Variants in DPP10 observed in about 807,000 individuals in gnomAD.
The protein encoded by DPP10 is inactive dipeptidyl peptidase 10.
In DPP10, 33 loss-of-function variants were observed where a neutral mutation model predicts 120.9. The ratio of observed to expected loss-of-function variants is 0.27; its 90% CI spans 0.21 to 0.37. The LOEUF (loss-of-function observed/expected upper bound fraction) is 0.37. Among genes scored for constraint, DPP10 ranks in the 10% least tolerant of loss-of-function variants. The pLI, the probability that DPP10 is intolerant of heterozygous loss-of-function variation, is 1.00. For missense variants in DPP10, 816 were observed against 942.8 expected (o/e 0.87, Z 1.76); for synonymous variants, 337 against 326.1 (o/e 1.03, Z -0.36).
chr2:115,302,771 A>G (rs1182803722), intron 1 of DPP10, among the ~76,000 whole-genome samples: 2 of 152,110 alleles, frequency 1.3e-5, no homozygotes, highest in Non-Finnish European at 2.9e-5. Flanking sequence ...GGTCAACAGC[A>G]TAAACCTATA....
chr2:115,342,813 G>A (rs2063515501), intron 2 of DPP10, among the ~76,000 whole-genome samples: 1 of 151,708 alleles, frequency 6.6e-6, no homozygotes, highest in African/African-American at 2.4e-5. Context: ...ATTTTTTCTT[G>A]GCAGTTATTT....
At chr2:114,952,446 A>G (rs1697864809) in intron 1 of DPP10, among the ~76,000 whole-genome samples, 1 of 152,160 alleles carries the variant, frequency 6.6e-6, no homozygotes, top group Non-Finnish European at 1.5e-5. Context: ...TGCAGTAGCC[A>G]CGTGGATTGA....
intron 3 of DPP10, among the ~76,000 whole-genome samples, chr2:115,362,259 A>G (rs11678689): frequency 0.013 from 1,905 of 152,304 alleles, 17 homozygotes; most frequent in Middle Eastern, 0.02. Context: ...CTAAGATTCT[A>G]TATGGTAAGT....
At chr2:115,210,189 G>A (rs975044119) in intron 1 of DPP10, among the ~76,000 whole-genome samples, 4 of 152,056 alleles carry the variant, frequency 2.6e-5, no homozygotes, top group Non-Finnish European at 5.9e-5. Flanking sequence ...CTCCATGACA[G>A]GCCCTGGTGT....
chr2:115,524,021 C>T (rs1483226719), intron 4 of DPP10, among the ~76,000 whole-genome samples: 1 of 152,136 alleles, frequency 6.6e-6, no homozygotes, highest in Non-Finnish European at 1.5e-5. Flanking sequence ...CTTAGCATTG[C>T]CATATGGTGA....
intron 1 of DPP10, among the ~76,000 whole-genome samples, chr2:114,683,673 A>G (rs1445291117): frequency 1.3e-5 from 2 of 151,612 alleles, no homozygotes; most frequent in Non-Finnish European, 2.9e-5. Flanking sequence ...GACAGTGAAT[A>G]TGAGAGAAGG....
At chr2:114,792,134 T>C (rs1280730489) in intron 1 of DPP10, among the ~76,000 whole-genome samples, 1 of 152,190 alleles carries the variant, frequency 6.6e-6, no homozygotes, top group Non-Finnish European at 1.5e-5. Context: ...TTTTTTATCA[T>C]AGCCTATGAA....
chr2:115,014,110 C>T (rs1294065012), intron 1 of DPP10, among the ~76,000 whole-genome samples: 3 of 152,154 alleles, frequency 2.0e-5, no homozygotes, highest in Admixed American at 1.3e-4. Context: ...CATTCCTCAG[C>T]AAATGCAGAA....
chr2:115,044,058 T>G (rs1704874134), intron 1 of DPP10, among the ~76,000 whole-genome samples: 1 of 152,208 alleles, frequency 6.6e-6, no homozygotes, highest in Non-Finnish European at 1.5e-5. Flanking sequence ...TCAATTATAC[T>G]CTTTTAGTTA....
chr2:115,454,775 A>G (rs2073390783), intron 3 of DPP10, among the ~76,000 whole-genome samples: 1 of 151,678 alleles, frequency 6.6e-6, no homozygotes, highest in Non-Finnish European at 1.5e-5. Flanking sequence ...TGAAAGAGAA[A>G]TGTACAATTA....
intron 3 of DPP10, among the ~76,000 whole-genome samples, chr2:115,432,659 TTGTGTGTG>T (rs59844767): frequency 5.5e-4 from 76 of 137,750 alleles, no homozygotes; most frequent in East Asian, 3.9e-3. Flanking sequence ...ATAGGCAATT[TTGTGTGTG>T]TGTGTGTGTG....
At chr2:114,932,958 G>C (rs1226737250) in intron 1 of DPP10, among the ~76,000 whole-genome samples, 1 of 152,078 alleles carries the variant, frequency 6.6e-6, no homozygotes, top group Non-Finnish European at 1.5e-5. Flanking sequence ...CTTTAAGTGG[G>C]AAAAGCAGTA....
intron 1 of DPP10, among the ~76,000 whole-genome samples, chr2:114,650,879 C>T (rs1464570044): frequency 6.6e-6 from 1 of 152,176 alleles, no homozygotes; most frequent in African/African-American, 2.4e-5. Flanking sequence ...GGCCTTGGTA[C>T]ATACTCTTTT....
intron 5 of DPP10, chr2:115,580,180 A>G (rs529720409): frequency 1.3e-5 from 2 of 152,246 alleles, no homozygotes; most frequent in South Asian, 4.1e-4. Flanking sequence ...TATGTACACA[A>G]TTTTTTAACC....
chr2:115,350,911 T>C (rs1485096566), intron 3 of DPP10, among the ~76,000 whole-genome samples: 1 of 152,094 alleles, frequency 6.6e-6, no homozygotes, highest in Non-Finnish European at 1.5e-5. Flanking sequence ...AGAATGCCTA[T>C]ATGGTGTTGC....
intron 1 of DPP10, among the ~76,000 whole-genome samples, chr2:115,067,370 G>C (rs1706951778): frequency 6.6e-6 from 1 of 151,726 alleles, no homozygotes; most frequent in Non-Finnish European, 1.5e-5. Context: ...TCCTGCCTCA[G>C]CCTCCCGAGT....
chr2:115,447,022 G>A (rs1353739693), intron 3 of DPP10, among the ~76,000 whole-genome samples: 2 of 152,172 alleles, frequency 1.3e-5, no homozygotes, highest in Non-Finnish European at 2.9e-5. Flanking sequence ...AAAGCTACAG[G>A]CACTCAACAC....
chr2:114,696,852 G>A (rs1700097825), intron 1 of DPP10, among the ~76,000 whole-genome samples: 1 of 151,562 alleles, frequency 6.6e-6, no homozygotes, highest in Non-Finnish European at 1.5e-5. Flanking sequence ...GGCTTTAGAC[G>A]CTGGCAAGCT....
In DPP10 at chr2:114,597,060, C is replaced by T. The variant is rs937470013; in HGVS notation, c.60+154222C>T. Among the ~76,000 whole-genome samples, 5 of 151,934 alleles carry T rather than the reference C, an allele frequency of 3.3e-5. No individual in the cohort carries two copies. The East Asian group carries it at 9.7e-4, about 29-fold the overall frequency. Reference sequence around the variant, plus strand: ...GCAGTACAGGTATAATAAGTGTTTACCACTTAACTAAAGGTGGCTCAGATC... The same window carrying T: ...GCAGTACAGGTATAATAAGTGTTTATCACTTAACTAAAGGTGGCTCAGATC... On this transcript the variant is annotated intron_variant, in intron 1 of 25. Transcript: ENST00000410059.
Sources: gnomAD v4.1 joint callset for allele counts (sites outside exome capture counted in the v4.1 genomes callset) on GRCh38, gnomAD v4.1.1 for gene constraint, MANE v1.5 for transcripts, NCBI Gene and HGNC (gene_info 2026-07-23, HGNC 2026-07-21) for gene names.